Variants in AGAP1 observed in about 807,000 individuals in gnomAD.
AGAP1 encodes arf-GAP with GTPase, ANK repeat and PH domain-containing protein 1.
A neutral mutation model predicts 105.3 loss-of-function variants in AGAP1; 29 were observed. The ratio of observed to expected loss-of-function variants is 0.28; its 90% CI spans 0.21 to 0.38. The LOEUF is 0.38. Among genes scored for constraint, AGAP1 ranks in the 10% least tolerant of loss-of-function variants. The pLI, the probability that AGAP1 is intolerant of heterozygous loss-of-function variation, is 1.00. For missense variants in AGAP1, 998 were observed against 1,165.1 expected, an observed-to-expected ratio of 0.86 and a Z score of 2.09; for synonymous variants, 509 against 485.9, an observed-to-expected ratio of 1.05 and a Z score of -0.63.
rs1040149049 is a variant in AGAP1, at chr2:235,612,876, G to A, written c.164-96303G>A. ...TCTGCTTCCAGTGAGACTCCGCCCAGGTTATGTTTGTGGCCTTTTATCTCT... is the reference window on the plus strand; with the variant it reads ...TCTGCTTCCAGTGAGACTCCGCCCAAGTTATGTTTGTGGCCTTTTATCTCT... On this transcript the variant is annotated intron_variant, in intron 1 of 17. Coordinates refer to ENST00000304032, the MANE Select transcript of AGAP1 (RefSeq NM_001037131.3). The surrounding 1 kb of genome is among the most constrained non-coding windows in gnomAD (Gnocchi z 4.3). Among the ~76,000 whole-genome samples, 1 of 152,148 alleles carries A rather than the reference G, an allele frequency of 6.6e-6. No homozygotes were observed. Among genetic ancestry groups the A allele is most frequent in the Non-Finnish European group, 1.5e-5 (1 of 68,028 alleles).
Position 235,967,422 on chromosome 2 carries a change from G to T in AGAP1, c.1484-1040G>T, listed in dbSNP as rs966715565. Among the ~76,000 whole-genome samples the T allele has an allele frequency of 1.3e-5, 2 of 152,222 alleles. No individual in the cohort carries two copies. The highest frequency in any genetic ancestry group is 4.8e-5 in the African/African-American group (2 of 41,454). Reference sequence around the variant, plus strand: ...TCTTACCAGCTTCTGATGGACTCCAGGTTCTGGCCCGGCTGCCATGTCACT... The same window carrying T: ...TCTTACCAGCTTCTGATGGACTCCATGTTCTGGCCCGGCTGCCATGTCACT... On this transcript the variant is annotated intron_variant, in intron 12 of 17. Coordinates refer to ENST00000304032, the MANE Select transcript of AGAP1 (RefSeq NM_001037131.3). The surrounding 1 kb of genome is among the most constrained non-coding windows in gnomAD (Gnocchi z 4.7).
chr2:235,580,681 G>A (rs1483818518), intron 1 of AGAP1, among the ~76,000 whole-genome samples: 2 of 152,110 alleles, frequency 1.3e-5, no homozygotes, highest in Non-Finnish European at 2.9e-5. Flanking sequence ...CTATCTTTTT[G>A]TGTTTAGTTC....
chr2:235,650,698 C>A (rs947689309), intron 1 of AGAP1, among the ~76,000 whole-genome samples: 1 of 152,164 alleles, frequency 6.6e-6, no homozygotes, highest in African/African-American at 2.4e-5. Context: ...ATGTCAAAAA[C>A]GTACCAATTT....
rs183759157 is a variant in AGAP1, at chr2:235,720,206, A to G, written c.310+2562A>G. On this transcript the variant is annotated intron_variant, in intron 3 of 17. Coordinates refer to ENST00000304032, the MANE Select transcript of AGAP1 (RefSeq NM_001037131.3). This position sits in a 1 kb window ranked among gnomAD's most constrained non-coding sequence, Gnocchi z 5.0. ...CATCCTGAAATTCCCTCTCATGCTC[A>G]GGGAGCCTGTACCTGGAAAGTGATT... Among the ~76,000 whole-genome samples the G allele has an allele frequency of 3.9e-5, 6 of 152,338 alleles. No homozygotes were observed. Among genetic ancestry groups the G allele is most frequent in the Non-Finnish European group, 7.3e-5 (5 of 68,032 alleles).
At chr2:235,580,877 G>C (rs755851323) in intron 1 of AGAP1, among the ~76,000 whole-genome samples, 2 of 152,100 alleles carry the variant, frequency 1.3e-5, no homozygotes, top group South Asian at 4.1e-4. Flanking sequence ...TCTTGCTCTC[G>C]ACCTTAGGGT....
At chr2:235,999,503 A>AGTG (rs2055995576) in intron 13 of AGAP1, among the ~76,000 whole-genome samples, 3 of 90,706 alleles carry the variant, frequency 3.3e-5, no homozygotes, top group African/African-American at 1.4e-4. Flanking sequence ...TGGTGGTGGT[A>AGTG]GTGGTGATGG....
chr2:235,550,547 C>T lies in AGAP1; in HGVS notation c.163+55698C>T, dbSNP rs1490074338. Among the ~76,000 whole-genome samples the T allele has an allele frequency of 3.3e-5, 5 of 152,280 alleles. No homozygotes were observed. The highest frequency in any genetic ancestry group is 1.3e-4 in the Admixed American group (2 of 15,298). On this transcript the variant is annotated intron_variant, in intron 1 of 17. Coordinates refer to ENST00000304032, the MANE Select transcript of AGAP1 (RefSeq NM_001037131.3). The surrounding 1 kb of genome is among the most constrained non-coding windows in gnomAD (Gnocchi z 4.6). ...GGGCCCCACCCCACACCTGCGACTC[C>T]AGACTCAGAGTTGATGAGGGTCTGC... is the stretch of plus-strand genomic sequence containing the variant.
At chr2:236,100,649 A>G (rs947872069) in intron 16 of AGAP1, among the ~76,000 whole-genome samples, 1 of 151,940 alleles carries the variant, frequency 6.6e-6, no homozygotes, top group African/African-American at 2.4e-5. Context: ...ACATGGTGAA[A>G]CCTCGTCTCT....
chr2:235,677,813 G>GGATCA (rs1399691747), intron 1 of AGAP1, among the ~76,000 whole-genome samples: 1 of 149,748 alleles, frequency 6.7e-6, no homozygotes, highest in Admixed American at 6.8e-5. Context: ...CTCCTACACA[G>GGATCA]GATCAGAATC....
chr2:235,669,855 C>G (rs996585535), intron 1 of AGAP1: 1 of 147,786 alleles, frequency 6.8e-6, no homozygotes, highest in African/African-American at 2.4e-5. Flanking sequence ...AGCGCCTGAC[C>G]GGCCGCCTCG....
chr2:235,674,013 C>T (rs1948586472), intron 1 of AGAP1, among the ~76,000 whole-genome samples: 1 of 152,220 alleles, frequency 6.6e-6, no homozygotes, highest in Admixed American at 6.5e-5. Context: ...CAGGCTCCTA[C>T]ATACGTGTAC....
rs1456301890 is a variant in AGAP1 at position 235,960,353 on chromosome 2, C to T, written c.1484-8109C>T. Among the ~76,000 whole-genome samples the T allele has an allele frequency of 1.3e-5, 2 of 152,176 alleles. No homozygotes were observed. Among genetic ancestry groups the T allele is most frequent in the African/African-American group, 4.8e-5 (2 of 41,440 alleles). ...ACCCTGTGTCCTCTGAAAAGCTTGC[C>T]TCCTTCTCCCCGCAGTGGCCAGGAC... On this transcript the variant is annotated intron_variant, in intron 12 of 17. Transcript: ENST00000304032. The surrounding 1 kb of genome is among the most constrained non-coding windows in gnomAD (Gnocchi z 4.9).
chr2:235,920,141 G>C (rs2052108063), intron 11 of AGAP1, among the ~76,000 whole-genome samples: 1 of 152,154 alleles, frequency 6.6e-6, no homozygotes, highest in Non-Finnish European at 1.5e-5. Flanking sequence ...TTGCAACTGG[G>C]TCTGGATTCT....
chr2:235,835,223 A>T (rs902104001), intron 9 of AGAP1, among the ~76,000 whole-genome samples: 1 of 152,100 alleles, frequency 6.6e-6, no homozygotes, highest in Non-Finnish European at 1.5e-5. Context: ...TTCAGTTGCA[A>T]TCTTCAGTGG....
In AGAP1 at chr2:235,865,417, C is replaced by T. The variant is rs761382051; in HGVS notation, c.1051-17928C>T. The stretch of plus-strand genomic sequence containing the variant: ...GTAACACGTGTGGCGCCGACCCCGC[C>T]GTGCGCAATCGGGGCTTTATACGAT... On this transcript the variant is annotated intron_variant, in intron 9 of 17. Coordinates refer to ENST00000304032, the MANE Select transcript of AGAP1 (RefSeq NM_001037131.3). The surrounding 1 kb of genome is among the most constrained non-coding windows in gnomAD (Gnocchi z 6.2). Among the ~76,000 whole-genome samples the T allele has an allele frequency of 1.5e-4, 23 of 152,206 alleles. No individual in the cohort carries two copies. The highest frequency in any genetic ancestry group is 2.8e-4 in the Non-Finnish European group (19 of 68,036).
intron 11 of AGAP1, among the ~76,000 whole-genome samples, chr2:235,912,420 A>G (rs1230463473): frequency 6.6e-6 from 1 of 152,188 alleles, no homozygotes; most frequent in Non-Finnish European, 1.5e-5. Context: ...AAAAAATTGA[A>G]TACTTAACCT....
intron 16 of AGAP1, among the ~76,000 whole-genome samples, chr2:236,110,725 C>G (rs777972071): frequency 6.4e-4 from 98 of 152,240 alleles, no homozygotes; most frequent in Non-Finnish European, 1.1e-3. Context: ...CACCTAAAAC[C>G]CACCATTTGG....
chr2:235,918,390 AAATGTT>A (rs1458787769), intron 11 of AGAP1, among the ~76,000 whole-genome samples: 3 of 152,214 alleles, frequency 2.0e-5, no homozygotes, highest in Non-Finnish European at 4.4e-5. Flanking sequence ...TTTTTAGGGA[AAATGTT>A]AATGTTTTGT....
In AGAP1 at chr2:236,073,120, C is replaced by G. The variant is rs1276306768; in HGVS notation, c.2114+23839C>G. ...GAGCGATTCTCCTGCCTTGGTCCCCCGAGTAGCTGGGATTACAGGCGCACG... is the reference window on the plus strand; with the variant it reads ...GAGCGATTCTCCTGCCTTGGTCCCCGGAGTAGCTGGGATTACAGGCGCACG... On this transcript the variant is annotated intron_variant, in intron 16 of 17. Transcript: ENST00000304032. This position sits in a 1 kb window ranked among gnomAD's most constrained non-coding sequence, Gnocchi z 5.4. Among the ~76,000 whole-genome samples, 1 of 152,002 alleles carries G rather than the reference C, an allele frequency of 6.6e-6. No individual in the cohort carries two copies. Among genetic ancestry groups the G allele is most frequent in the Admixed American group, 6.6e-5 (1 of 15,254 alleles).
Sources: gnomAD v4.1 joint callset for allele counts (sites outside exome capture counted in the v4.1 genomes callset) on GRCh38, gnomAD v4.1.1 for gene constraint, Gnocchi (gnomAD v3.1) non-coding constraint, MANE v1.5 for transcripts, NCBI Gene and HGNC (gene_info 2026-07-23, HGNC 2026-07-21) for gene names.